RGS3: variants seen among roughly 807,000 people sequenced by gnomAD.
The protein encoded by RGS3 is regulator of G-protein signalling 3.
A neutral mutation model predicts 132.6 loss-of-function variants in RGS3; 80 were observed. The observed-to-expected ratio is 0.60, with a 90% CI of 0.50 to 0.73. The LOEUF (loss-of-function observed/expected upper bound fraction) is 0.73, where lower values mean the gene tolerates loss of function less well. RGS3 is among the 30% of genes least tolerant of loss of function. RGS3 has a pLI of 0.00. For synonymous variants in RGS3, 598 were observed against 620.6 expected (o/e 0.96, Z 0.54); for missense variants, 1,382 against 1,530.8 (o/e 0.90, Z 1.62).
rs1429220220 is a variant in RGS3, at chr9:113,583,666, TC to T, written c.2258del (p.Pro753LeufsTer82). 1.1e-5 allele frequency: 17 copies of T among 1,613,626 alleles called. No homozygotes were observed. The highest frequency in any genetic ancestry group is 1.4e-5 in the Non-Finnish European group (16 of 1,179,920). ...CAAAGACTCAGCTACCTCTGAAGGA[TC>T]CCCTCCAGGCCCAGATGCTCCGCCC... is the stretch of plus-strand genomic sequence containing the variant. On this transcript the variant is annotated frameshift_variant, in exon 20 of 25. Coordinates refer to ENST00000350696, the Ensembl canonical transcript of RGS3. LOFTEE classifies it high-confidence loss of function.
chr9:113,597,261 G>A (rs999864251), exon 25 of RGS3: 4 of 250,296 alleles, frequency 1.6e-5, no homozygotes, highest in Non-Finnish European at 2.3e-5. Context: ...CGGAGGCTTC[G>A]CGTTGACCAA....
intron 10 of RGS3, chr9:113,501,292 C>A: frequency 1.4e-6 from 1 of 708,788 alleles, no homozygotes; most frequent in Non-Finnish European, 2.1e-6. Context: ...CAAAGGCGCC[C>A]TCTCCCCGCC....
At chr9:113,477,881 C>T (rs924797935) in intron 3 of RGS3, among the ~76,000 whole-genome samples, 1 of 152,198 alleles carries the variant, frequency 6.6e-6, no homozygotes, top group African/African-American at 2.4e-5. Flanking sequence ...TGGTAGACGG[C>T]CCTGCCCTGC....
Position 113,497,479 on chromosome 9 carries a change from A to G in RGS3, c.841+75A>G, listed in dbSNP as rs1830726761. 5 of 1,265,582 alleles carry G rather than the reference A, an allele frequency of 4.0e-6. No individual in the cohort carries two copies. In the African/African-American group the frequency reaches 7.3e-5, roughly 18 times the overall value. The allele number at this position is 1,265,582 out of a possible 1,614,324, so 78.4% of individuals were successfully genotyped here. A position where few individuals can be genotyped will look rare whatever the true frequency, so the allele number is the denominator to read the frequency against. On this transcript the variant is annotated intron_variant, in intron 9 of 24. Transcript: ENST00000350696. The stretch of plus-strand genomic sequence containing the variant: ...TCCTTTCCTGCATAGCGGCATCAGT[A>G]CTGGTATTTGGTGGCCCCTGCTACT...
intron 19 of RGS3, among the ~76,000 whole-genome samples, chr9:113,574,147 GTCA>G (rs1390837411): frequency 2.0e-5 from 3 of 152,184 alleles, no homozygotes; most frequent in African/African-American, 7.2e-5. Flanking sequence ...CCCTATCTTT[GTCA>G]TCATTATCTG....
chr9:113,446,555 G>A (rs761876138), intron 1 of RGS3, among the ~76,000 whole-genome samples: 91 of 152,172 alleles, frequency 6.0e-4, no homozygotes, highest in Non-Finnish European at 1.2e-3. Flanking sequence ...ATGAGTAAAT[G>A]AAGAAAAACA....
At position 113,563,972 on chromosome 9, in the gene RGS3, C is replaced by T. The variant is rs151300452; in HGVS notation, c.2038-19478C>T. Among the ~76,000 whole-genome samples, 273 of 152,126 alleles carry T rather than the reference C, an allele frequency of 1.8e-3. 1 individual carries two copies. The highest frequency in any genetic ancestry group is 6.3e-3 in the African/African-American group (263 of 41,512). On this transcript the variant is annotated intron_variant, in intron 19 of 24. Coordinates refer to ENST00000350696, the Ensembl canonical transcript of RGS3. Reference sequence around the variant, plus strand: ...TGGGAAAATAGAGGCTCCTTCTGTCCATTTTTTCTGTGCCATCATCCCAGG... The same window carrying T: ...TGGGAAAATAGAGGCTCCTTCTGTCTATTTTTTCTGTGCCATCATCCCAGG...
At chr9:113,545,887 G>T (rs574161285) in intron 19 of RGS3, among the ~76,000 whole-genome samples, 9 of 152,164 alleles carry the variant, frequency 5.9e-5, no homozygotes, top group African/African-American at 1.9e-4. Flanking sequence ...GTTAAGAAAC[G>T]TGCCCAAGGT....
At chr9:113,472,024 G>A (rs10217750) in intron 3 of RGS3, among the ~76,000 whole-genome samples, 21,693 of 151,984 alleles carry the variant, frequency 0.14, 1,669 homozygotes, top group African/African-American at 0.2. Context: ...GTGAAAAAAT[G>A]CTCAATGTCA....
At position 113,536,832 on chromosome 9, in the gene RGS3, C is replaced by G. The variant is rs150364157; in HGVS notation, c.1951C>G (p.Gln651Glu). The change falls in exon 19 of 25, where the codon CAG becomes GAG. Residue 651 changes from glutamine (Q) to glutamate (E), a missense_variant. Transcript: ENST00000350696. The stretch of plus-strand genomic sequence containing the variant: ...CTTATTCACTTTGGAAGCGCACTCG[C>G]AGGAGCAGAAGAAGAGAGTGTGCTG... 1.1e-5 allele frequency: 18 copies of G among 1,614,176 alleles called. No homozygotes were observed. In the African/African-American group the frequency reaches 2.1e-4, roughly 19 times the overall value.
intron 1 of RGS3, among the ~76,000 whole-genome samples, chr9:113,446,635 G>A (rs993228506): frequency 6.6e-6 from 1 of 152,144 alleles, no homozygotes; most frequent in South Asian, 2.1e-4. Context: ...GTAGTTCCTC[G>A]AGAGAAGGGT....
intron 1 of RGS3, among the ~76,000 whole-genome samples, chr9:113,461,511 A>G (rs1454881371): frequency 6.6e-6 from 1 of 152,118 alleles, no homozygotes; most frequent in African/African-American, 2.4e-5. Flanking sequence ...TGAGTAAAGG[A>G]GCCTTACTGG....
At chr9:113,520,542 G>GTTTTTTT (rs768805637) in intron 16 of RGS3, among the ~76,000 whole-genome samples, 38 of 127,408 alleles carry the variant, frequency 3.0e-4, no homozygotes, top group Middle Eastern at 4.2e-3. Flanking sequence ...GGCCTGGGCT[G>GTTTTTTT]TTTTTTTTTT....
At chr9:113,534,026 A>G (rs1460275968) in intron 18 of RGS3, among the ~76,000 whole-genome samples, 1 of 152,204 alleles carries the variant, frequency 6.6e-6, no homozygotes, top group Non-Finnish European at 1.5e-5. Flanking sequence ...AGGAAGATCA[A>G]CTTCTGAGCA....
intron 19 of RGS3, among the ~76,000 whole-genome samples, chr9:113,573,535 C>A (rs1000687785): frequency 6.6e-6 from 1 of 152,214 alleles, no homozygotes; most frequent in African/African-American, 2.4e-5. Flanking sequence ...AAAGGCTGAC[C>A]TCATGACTGC....
chr9:113,548,331 T>C (rs73655868), intron 19 of RGS3, among the ~76,000 whole-genome samples: 218 of 152,324 alleles, frequency 1.4e-3, no homozygotes, highest in African/African-American at 5.1e-3. Flanking sequence ...TGTGTTGGGC[T>C]GTAATGGAAA....
chr9:113,561,939 C>T (rs1055682905), intron 19 of RGS3, among the ~76,000 whole-genome samples: 8 of 152,160 alleles, frequency 5.3e-5, no homozygotes, highest in Admixed American at 3.9e-4. Context: ...TGCTGAACCT[C>T]GCTGGTCCTA....
intron 7 of RGS3, among the ~76,000 whole-genome samples, chr9:113,495,579 C>CT (rs1830653705): frequency 6.6e-6 from 1 of 152,174 alleles, no homozygotes; most frequent in Non-Finnish European, 1.5e-5. Flanking sequence ...GGGACCAACT[C>CT]TGAGTCTCCA....
chr9:113,451,265 T>C (rs1241669999), intron 1 of RGS3, among the ~76,000 whole-genome samples: 1 of 152,074 alleles, frequency 6.6e-6, no homozygotes, highest in East Asian at 1.9e-4. Flanking sequence ...ATGCCACTTC[T>C]CTAAGTTCCA....
Sources: allele counts gnomAD v4.1 joint callset (sites outside exome capture counted in the v4.1 genomes callset), GRCh38; gene constraint gnomAD v4.1.1; transcripts MANE v1.5; gene names NCBI Gene and HGNC (gene_info 2026-07-23, HGNC 2026-07-21).